BICRA: variants seen among roughly 807,000 people sequenced by gnomAD.
BICRA encodes BRD4-interacting chromatin-remodeling complex-associated protein.
In BICRA, 31 loss-of-function variants were observed where a neutral mutation model predicts 96.9. The observed-to-expected ratio is 0.32, with a 90% CI of 0.24 to 0.43. BICRA has a LOEUF of 0.43. BICRA is among the 20% of genes least tolerant of loss of function. The probability of loss-of-function intolerance (pLI) is 1.00; values close to 1 mark genes in which losing one functional copy is unlikely to be tolerated. For synonymous variants in BICRA, 1,350 were observed against 1,071.8 expected, an observed-to-expected ratio of 1.26 and a Z score of -5.07; for missense variants, 2,283 against 2,190.3, an observed-to-expected ratio of 1.04 and a Z score of -0.84.
chr19:47,648,401 T>G (rs539552448), intron 1 of BICRA, among the ~76,000 whole-genome samples: 1 of 151,960 alleles, frequency 6.6e-6, no homozygotes, highest in Non-Finnish European at 1.5e-5. Flanking sequence ...CAGTCAATAT[T>G]TACACAAAGC....
intron 1 of BICRA, among the ~76,000 whole-genome samples, chr19:47,628,959 G>A (rs1972179500): frequency 6.6e-6 from 1 of 151,712 alleles, no homozygotes; most frequent in South Asian, 2.1e-4. Flanking sequence ...CTTTTATTAT[G>A]TAACAGATCT....
chr19:47,702,504 C>T lies in BICRA; in HGVS notation c.*89C>T, dbSNP rs531541167. On this transcript the variant is annotated 3_prime_UTR_variant, in exon 15 of 15. Transcript: ENST00000594866. The stretch of plus-strand genomic sequence containing the variant: ...CCCTCAGCCTCCTGGGGACTCGAGC[C>T]GGGGATCCCCTGACGGTTTTTCTTG... The T allele has an allele frequency of 2.2e-5, 30 of 1,358,948 alleles. No homozygotes were observed. In the East Asian group the frequency reaches 2.5e-4, roughly 11 times the overall value. 84.2% of individuals were successfully genotyped at this position (1,358,948 alleles called of 1,614,324 possible).
intron 1 of BICRA, among the ~76,000 whole-genome samples, chr19:47,656,500 G>A (rs541311819): frequency 2.0e-5 from 3 of 152,120 alleles, no homozygotes; most frequent in African/African-American, 7.2e-5. Context: ...CAGGAGACAT[G>A]GTTAATGTCT....
Position 47,699,170 on chromosome 19 carries a change from G to A in BICRA, c.3492+111G>A. 1.1e-6 allele frequency: 1 copy of A among 947,958 alleles called. No individual in the cohort carries two copies. Among genetic ancestry groups the A allele is most frequent in the Non-Finnish European group, 1.7e-6 (1 of 601,730 alleles). 58.7% of individuals were successfully genotyped at this position (947,958 alleles called of 1,614,324 possible). On this transcript the variant is annotated intron_variant, in intron 13 of 14. Coordinates refer to ENST00000594866, the MANE Select transcript of BICRA (RefSeq NM_001394372.1). The surrounding 1 kb of genome is among the most constrained non-coding windows in gnomAD (Gnocchi z 5.0). ...AGCCTCCCGCCCCTCCTAGCCCCGG[G>A]AGGGAGGTTGGGAGGGAGGCGGGAG...
Position 47,617,123 on chromosome 19 carries a change from A to G in BICRA, c.-108+7955A>G, listed in dbSNP as rs936817251. On this transcript the variant is annotated intron_variant, in intron 1 of 14. Coordinates refer to ENST00000594866, the MANE Select transcript of BICRA (RefSeq NM_001394372.1). ...GATTACAAACATGAGCCACCATACC[A>G]GGCCTATTATTTTTAAATATTTTAT... Among the ~76,000 whole-genome samples the G allele has an allele frequency of 7.2e-5, 11 of 151,746 alleles. No individual in the cohort carries two copies. The South Asian group carries it at 1.2e-3, about 17-fold the overall frequency.
Position 47,701,018 on chromosome 19 carries a change from T to G in BICRA, c.3596-310T>G. On this transcript the variant is annotated intron_variant, in intron 14 of 14. Coordinates refer to ENST00000594866, the MANE Select transcript of BICRA (RefSeq NM_001394372.1). This position sits in a 1 kb window ranked among gnomAD's most constrained non-coding sequence, Gnocchi z 5.4. ...GTCTCAAACTCCTGGGCTCAAGCGA[T>G]CCCCCTCCCTTGGCCTCCCAAAGTG... is the stretch of plus-strand genomic sequence containing the variant. The G allele has an allele frequency of 2.4e-6, 1 of 417,048 alleles. No homozygotes were observed. The highest frequency in any genetic ancestry group is 5.0e-5 in the East Asian group (1 of 19,910). 25.8% of individuals were successfully genotyped at this position (417,048 alleles called of 1,614,324 possible).
rs192876942 is a variant in BICRA at position 47,670,076 on chromosome 19, C to G, written c.-107-367C>G. Among the ~76,000 whole-genome samples the G allele has an allele frequency of 1.8e-3, 281 of 152,240 alleles. 1 individual carries two copies. The highest frequency in any genetic ancestry group is 3.5e-3 in the Admixed American group (53 of 15,286). ...AAGCGATTCTCCTGCCTCAGCCTCT[C>G]AAGTAACTGGAACTACAGGCAAGCG... On this transcript the variant is annotated intron_variant, in intron 1 of 14. Coordinates refer to ENST00000594866, the MANE Select transcript of BICRA (RefSeq NM_001394372.1).
intron 10 of BICRA, 56 bp from the exon 11 acceptor site, chr19:47,696,395 C>A: frequency 1.3e-6 from 2 of 1,493,650 alleles, no homozygotes; most frequent in South Asian, 1.2e-5. Context: ...GGAAGCTGGT[C>A]GGGGGAGGGA....
chr19:47,620,667 C>CAAAAA lies in BICRA; in HGVS notation c.-108+11517_-108+11521dup, dbSNP rs10675281. Among the ~76,000 whole-genome samples, 302 of 67,644 alleles carry CAAAAA rather than the reference C, an allele frequency of 4.5e-3. 19 individuals are homozygous for CAAAAA. Among genetic ancestry groups the CAAAAA allele is most frequent in the African/African-American group, 0.017 (263 of 15,360 alleles). 44.4% of individuals were successfully genotyped at this position (67,644 alleles called of 152,430 possible). On this transcript the variant is annotated intron_variant, in intron 1 of 14. Transcript: ENST00000594866. ...CTTGGGCGACAGAGTGAGACTGTCT[C>CAAAAA]AAAAAAAAAAAAAAAAAAAAAACAA...
intron 1 of BICRA, among the ~76,000 whole-genome samples, chr19:47,610,581 A>C (rs1329490436): frequency 6.8e-6 from 1 of 146,290 alleles, no homozygotes; most frequent in African/African-American, 2.5e-5. Context: ...GCCCAGGCCC[A>C]TGTCCTGACC....
chr19:47,694,809 G>C (rs901849658), intron 8 of BICRA, 83 bp downstream of exon 8: 3 of 1,102,318 alleles, frequency 2.7e-6, no homozygotes, highest in Admixed American at 4.6e-5. Flanking sequence ...TCCGCCTTAC[G>C]GCTCTGTGAT....
In BICRA at chr19:47,673,648, G is replaced by A. The variant is rs536667799; in HGVS notation, c.41+33G>A. On this transcript the variant is annotated intron_variant, in intron 3 of 14. Coordinates refer to ENST00000594866, the MANE Select transcript of BICRA (RefSeq NM_001394372.1). ...ACGGGCTCCCCACCCCCTGCCCTCTGTCTCAACCCCCTCCCTTCCCTCCCC... is the reference window on the plus strand; with the variant it reads ...ACGGGCTCCCCACCCCCTGCCCTCTATCTCAACCCCCTCCCTTCCCTCCCC... The A allele has an allele frequency of 2.2e-4, 334 of 1,539,536 alleles. 17 individuals are homozygous for A. The South Asian group carries it at 3.7e-3, about 17-fold the overall frequency.
At chr19:47,618,047 T>A (rs1972010629) in intron 1 of BICRA, among the ~76,000 whole-genome samples, 1 of 152,128 alleles carries the variant, frequency 6.6e-6, no homozygotes. Flanking sequence ...GTGATCCCCT[T>A]TTTGGGACTG....
chr19:47,693,934 T>C (rs2974183), intron 7 of BICRA, among the ~76,000 whole-genome samples, 181 bp from the exon 8 acceptor site: 107,850 of 151,752 alleles, frequency 0.71, 38,924 homozygotes, highest in East Asian at 0.96. Flanking sequence ...GAGGGGGTGC[T>C]GTGGGGAATG....
intron 1 of BICRA, among the ~76,000 whole-genome samples, chr19:47,666,254 C>T (rs1429208378): frequency 1.3e-5 from 2 of 151,818 alleles, no homozygotes; most frequent in Admixed American, 6.6e-5. Flanking sequence ...AGGCAGTAAC[C>T]CCAGCCCCTC....
In BICRA at chr19:47,675,878, C is replaced by G. The variant is rs771676751; in HGVS notation, c.112C>G (p.Pro38Ala). 1 of 1,608,068 alleles carries G rather than the reference C, an allele frequency of 6.2e-7. No individual in the cohort carries two copies. The highest frequency in any genetic ancestry group is 8.5e-7 in the Non-Finnish European group (1 of 1,177,106). ...KLDSDDLLDN[P>A]GEAQSAFYEG... ...TGACAGTGATGACCTCCTGGATAAT[C>G]CCGGGGAGGCCCAAAGTGCCTTCTA... The change falls in exon 5 of 15, where the codon CCC (proline) becomes GCC (alanine). Residue 38 changes from proline to alanine, a missense_variant. Physicochemically the swap from Pro to Ala is conservative, Grantham distance 27. Transcript: ENST00000594866. The surrounding 1 kb of genome is among the most constrained non-coding windows in gnomAD (Gnocchi z 4.7).
At chr19:47,700,488 A>G (rs1973423033) in intron 14 of BICRA, 1 of 152,218 alleles carries the variant, frequency 6.6e-6, no homozygotes, top group African/African-American at 2.4e-5. Flanking sequence ...GTTGAGATAA[A>G]TCATGACCAT....
At chr19:47,696,779 G>GTGCC (rs1973349806) in intron 11 of BICRA, among the ~76,000 whole-genome samples, 1 of 152,262 alleles carries the variant, frequency 6.6e-6, no homozygotes, top group Admixed American at 6.5e-5. Context: ...GGTTGTTGCT[G>GTGCC]TGCCCTCCAT....
chr19:47,685,825 A>C, intron 7 of BICRA, among the ~76,000 whole-genome samples: 1 of 148,226 alleles, frequency 6.7e-6, no homozygotes, highest in Non-Finnish European at 1.5e-5. Flanking sequence ...CCTTTGTGTT[A>C]ACACAAACAG....
Sources: gnomAD v4.1 joint callset for allele counts (sites outside exome capture counted in the v4.1 genomes callset) on GRCh38, gnomAD v4.1.1 for gene constraint, Gnocchi (gnomAD v3.1) non-coding constraint, MANE v1.5 for transcripts, NCBI Gene and HGNC (gene_info 2026-07-23, HGNC 2026-07-21) for gene names.